The following APP variants were observed in gnomAD, a reference collection of about 807,000 sequenced individuals.
The protein encoded by APP is amyloid beta precursor protein, also known as amyloid-beta precursor protein.
A neutral mutation model predicts 101.4 loss-of-function variants in APP; 31 were observed. That is an observed-to-expected ratio of 0.31 (90% CI 0.23 to 0.41). The LOEUF (loss-of-function observed/expected upper bound fraction) is 0.41. APP is among the 10% of genes least tolerant of loss of function. The probability of loss-of-function intolerance (pLI) is 1.00; values close to 1 mark genes in which losing one functional copy is unlikely to be tolerated. For synonymous variants in APP, 366 were observed against 364.4 expected, an observed-to-expected ratio of 1.00 and a Z score of -0.05; for missense variants, 839 against 1,003.7, an observed-to-expected ratio of 0.84 and a Z score of 2.22.
intron 3 of APP, among the ~76,000 whole-genome samples, chr21:26,058,802 C>T (rs2145985129): frequency 2.0e-5 from 3 of 152,304 alleles, no homozygotes; most frequent in Middle Eastern, 3.4e-3. Flanking sequence ...AGACATTAGG[C>T]CGGGCGCGGT....
intron 3 of APP, among the ~76,000 whole-genome samples, chr21:26,057,001 C>T (rs2830031): frequency 0.74 from 112,588 of 152,112 alleles, 41,847 homozygotes; most frequent in East Asian, 0.87. Flanking sequence ...TGGCTTAGCA[C>T]GGTTTATATT....
chr21:26,049,192 G>C (rs2146897898), intron 5 of APP, among the ~76,000 whole-genome samples: 1 of 152,234 alleles, frequency 6.6e-6, no homozygotes, highest in South Asian at 2.1e-4. Context: ...GTGGGGGAGA[G>C]GGAGACTGAA....
chr21:26,105,429 G>A (rs1397459051), intron 2 of APP, among the ~76,000 whole-genome samples: 2 of 152,028 alleles, frequency 1.3e-5, no homozygotes, highest in African/African-American at 4.8e-5. Context: ...TAAAACCTGT[G>A]AGAAGGAAAC....
intron 8 of APP, among the ~76,000 whole-genome samples, chr21:25,984,760 T>C (rs2042574902): frequency 6.6e-6 from 1 of 152,138 alleles, no homozygotes; most frequent in East Asian, 1.9e-4. Flanking sequence ...CAAGTTAAAG[T>C]AAAAGCAGAA....
rs892483267 is a variant in APP at position 25,986,478 on chromosome 21, G to A, written c.1091-4001C>T. On this transcript the variant is annotated intron_variant, in intron 8 of 17. Coordinates refer to ENST00000346798, the MANE Select transcript of APP (RefSeq NM_000484.4). ...CCCAGCACTTTGGGAGGCCGAGGTG[G>A]ACGGAAGTTTGAGACCAGCCTGATC... 2.0e-5 allele frequency among the ~76,000 whole-genome samples: 3 copies of A among 152,152 alleles called. 1 individual carries two copies. Among genetic ancestry groups the A allele is most frequent in the Admixed American group, 1.3e-4 (2 of 15,270 alleles).
intron 6 of APP, among the ~76,000 whole-genome samples, chr21:26,008,816 C>T (rs2043652631): frequency 6.6e-6 from 1 of 152,154 alleles, no homozygotes; most frequent in African/African-American, 2.4e-5. Context: ...TTGCCTCATA[C>T]TTGTTGGTAT....
At chr21:26,016,186 A>G (rs1179443242) in intron 6 of APP, among the ~76,000 whole-genome samples, 1 of 152,094 alleles carries the variant, frequency 6.6e-6, no homozygotes, top group Non-Finnish European at 1.5e-5. Flanking sequence ...ACGCGCCACC[A>G]TGCCTAGCTA....
At chr21:26,054,260 T>C (rs1456825144) in intron 3 of APP, among the ~76,000 whole-genome samples, 1 of 152,170 alleles carries the variant, frequency 6.6e-6, no homozygotes, top group African/African-American at 2.4e-5. Context: ...TGAGAAGTAG[T>C]ATGCCACATG....
intron 13 of APP, among the ~76,000 whole-genome samples, chr21:25,916,696 C>T (rs1208148522): frequency 1.3e-5 from 2 of 152,190 alleles, no homozygotes; most frequent in Non-Finnish European, 1.5e-5. Context: ...TATTTGCCAA[C>T]CGCTATATTA....
At chr21:25,928,437 C>T (rs1277913552) in intron 13 of APP, among the ~76,000 whole-genome samples, 2 of 151,910 alleles carry the variant, frequency 1.3e-5, no homozygotes, top group African/African-American at 4.8e-5. Context: ...TTACAACACA[C>T]ACACACAAAC....
intron 15 of APP, among the ~76,000 whole-genome samples, chr21:25,902,617 C>T (rs1601343910): frequency 6.8e-6 from 1 of 146,226 alleles, no homozygotes; most frequent in Non-Finnish European, 1.5e-5. Flanking sequence ...TTCCCTTCTT[C>T]TTTGCCAATC....
At chr21:26,140,406 G>A (rs2063018169) in intron 1 of APP, 19 of 1,394,500 alleles carry the variant, frequency 1.4e-5, no homozygotes, top group African/African-American at 2.9e-5. Flanking sequence ...TGGATCACAC[G>A]CACACTGCGC....
intron 13 of APP, chr21:25,933,669 G>C (rs1224667288): frequency 6.6e-6 from 1 of 152,100 alleles, no homozygotes; most frequent in African/African-American, 2.4e-5. Context: ...CATCTTCCAA[G>C]TGTGGTAAAC....
chr21:26,081,578 T>G (rs1314378593), intron 3 of APP, among the ~76,000 whole-genome samples: 1 of 152,216 alleles, frequency 6.6e-6, no homozygotes, highest in Non-Finnish European at 1.5e-5. Context: ...CTTTTGTGAT[T>G]CTTCACTTGC....
intron 15 of APP, among the ~76,000 whole-genome samples, chr21:25,904,650 A>G (rs1257622262): frequency 1.3e-5 from 2 of 152,284 alleles, no homozygotes; most frequent in Non-Finnish European, 2.9e-5. Context: ...CTGGTATCCA[A>G]GTCATCACCT....
chr21:26,011,390 C>A (rs2043800811), intron 6 of APP, among the ~76,000 whole-genome samples: 1 of 152,028 alleles, frequency 6.6e-6, no homozygotes, highest in South Asian at 2.1e-4. Flanking sequence ...GTTCACATAT[C>A]TAAAGCTGCT....
chr21:26,083,692 A>T (rs753194822), intron 3 of APP, among the ~76,000 whole-genome samples: 1 of 152,216 alleles, frequency 6.6e-6, no homozygotes, highest in Non-Finnish European at 1.5e-5. Flanking sequence ...TTGGGACAAT[A>T]TCATGCCAAA....
intron 1 of APP, among the ~76,000 whole-genome samples, chr21:26,167,672 A>T (rs2146402851): frequency 6.6e-6 from 1 of 152,334 alleles, no homozygotes; most frequent in African/African-American, 2.4e-5. Flanking sequence ...ATTGTTGATC[A>T]CGTTATTTCT....
intron 5 of APP, among the ~76,000 whole-genome samples, chr21:26,039,402 A>C (rs554272012): frequency 9.8e-5 from 15 of 152,350 alleles, no homozygotes; most frequent in African/African-American, 3.4e-4. Flanking sequence ...TCAAATGTAA[A>C]AGAAAACTTA....
Sources: gnomAD v4.1 joint callset for allele counts (sites outside exome capture counted in the v4.1 genomes callset) on GRCh38, gnomAD v4.1.1 for gene constraint, MANE v1.5 for transcripts, NCBI Gene and HGNC (gene_info 2026-07-23, HGNC 2026-07-21) for gene names.